SLC24A2: variants seen among roughly 807,000 people sequenced by gnomAD.
The protein encoded by SLC24A2 is sodium/potassium/calcium exchanger 2.
SLC24A2 carries 36 observed loss-of-function variants against 62.0 expected under a neutral mutation model. The ratio of observed to expected loss-of-function variants is 0.58; its 90% CI spans 0.44 to 0.77. The LOEUF (loss-of-function observed/expected upper bound fraction) is 0.77. Among genes scored for constraint, SLC24A2 ranks in the 30% least tolerant of loss-of-function variants. The pLI is 0.00. For synonymous variants in SLC24A2, 358 were observed against 294.0 expected, an observed-to-expected ratio of 1.22 and a Z score of -2.23; for missense variants, 846 against 817.9, an observed-to-expected ratio of 1.03 and a Z score of -0.42.
At chr9:19,901,228 T>C in the SLC24A2 span, among the ~76,000 whole-genome samples, 2 of 152,172 alleles carry the variant, frequency 1.3e-5, no homozygotes, top group Non-Finnish European at 2.9e-5. Flanking sequence ...ATAATAGAGA[T>C]GTTTACAAGA....
At chr9:19,543,680 G>A (rs530152911) in intron 8 of SLC24A2, among the ~76,000 whole-genome samples, 43 of 151,976 alleles carry the variant, frequency 2.8e-4, no homozygotes, top group Non-Finnish European at 5.0e-4. Context: ...CCTTCATTTC[G>A]TTTTTTACCC....
the SLC24A2 span, among the ~76,000 whole-genome samples, chr9:19,873,103 T>C: frequency 2.6e-5 from 4 of 152,186 alleles, no homozygotes; most frequent in African/African-American, 7.2e-5. Context: ...GAAGAAGCAG[T>C]ATGGCTTTAG....
At chr9:20,207,211 C>T in the SLC24A2 span, among the ~76,000 whole-genome samples, 2 of 152,174 alleles carry the variant, frequency 1.3e-5, no homozygotes, top group Non-Finnish European at 2.9e-5. Flanking sequence ...CATTCTGAAA[C>T]AGCCAAGAAA....
chr9:19,917,528 C>T, the SLC24A2 span, among the ~76,000 whole-genome samples: 1 of 151,782 alleles, frequency 6.6e-6, no homozygotes, highest in Non-Finnish European at 1.5e-5. Context: ...TCATCAATCT[C>T]TCTATTTTTA....
At chr9:20,148,803 T>C in the SLC24A2 span, among the ~76,000 whole-genome samples, 6 of 152,068 alleles carry the variant, frequency 3.9e-5, no homozygotes, top group Non-Finnish European at 8.8e-5. Flanking sequence ...ATTTTGACAG[T>C]GGATGGAGCA....
At chr9:20,209,606 C>G in the SLC24A2 span, among the ~76,000 whole-genome samples, 2 of 152,194 alleles carry the variant, frequency 1.3e-5, no homozygotes, top group Non-Finnish European at 2.9e-5. Context: ...CCCATTCAGA[C>G]CTGAGAGCTT....
chr9:20,015,822 T>G, the SLC24A2 span, among the ~76,000 whole-genome samples: 1 of 152,230 alleles, frequency 6.6e-6, no homozygotes, highest in African/African-American at 2.4e-5. Flanking sequence ...GCTTCTTGAT[T>G]CTTCCTGTTC....
rs769069340 is a variant in SLC24A2 at position 19,786,098 on chromosome 9, G to C, written c.769C>G (p.Leu257Val). The C allele has an allele frequency of 3.7e-6, 6 of 1,614,094 alleles. No homozygotes were observed. The highest frequency in any genetic ancestry group is 1.1e-5 in the South Asian group (1 of 91,082). The stretch of plus-strand genomic sequence containing the variant: ...TCCCACCACATGATGACATTATCCA[G>C]GAAAAATATGATCAGCATGATCAAG... ...VDLIMLIIFF[L>V]DNVIMWWESL... The change falls in exon 2 of 11, where the codon CTG becomes GTG. Residue 257 changes from leucine (L) to valine (V), a missense_variant. By Grantham distance (32) the Leu-to-Val change is conservative (BLOSUM62 1). Coordinates refer to ENST00000341998, the MANE Select transcript of SLC24A2 (RefSeq NM_020344.4). The surrounding 1 kb of genome is among the most constrained non-coding windows in gnomAD (Gnocchi z 5.0).
At chr9:19,673,348 A>G (rs1819470639) in intron 2 of SLC24A2, among the ~76,000 whole-genome samples, 1 of 146,436 alleles carries the variant, frequency 6.8e-6, no homozygotes, top group South Asian at 2.2e-4. Flanking sequence ...CTTATGTAAG[A>G]ATAGCTACTC....
chr9:19,919,837 G>A, the SLC24A2 span, among the ~76,000 whole-genome samples: 1 of 152,238 alleles, frequency 6.6e-6, no homozygotes, highest in South Asian at 2.1e-4. Context: ...AGAACAGCAT[G>A]CAGGTAACCG....
Position 19,507,764 on chromosome 9 carries a change from T to C in SLC24A2, c.*8389A>G, listed in dbSNP as rs1832554453. On this transcript the variant is annotated 3_prime_UTR_variant, in exon 11 of 11. Transcript: ENST00000341998. ...CATAATAAACACAACACATACAAAA[T>C]GACAGAAGTAATTTGGAAGTGCATC... The C allele has an allele frequency of 1.3e-5, 2 of 152,242 alleles. No individual in the cohort carries two copies. The highest frequency in any genetic ancestry group is 4.8e-5 in the African/African-American group (2 of 41,548). 9.4% of individuals were successfully genotyped at this position (152,242 alleles called of 1,614,324 possible).
At chr9:20,103,452 C>G in the SLC24A2 span, among the ~76,000 whole-genome samples, 2 of 152,216 alleles carry the variant, frequency 1.3e-5, no homozygotes, top group Non-Finnish European at 2.9e-5. Flanking sequence ...CACCCCCCAG[C>G]AGGGGCAGAC....
chr9:20,171,251 T>A, the SLC24A2 span, among the ~76,000 whole-genome samples: 22,522 of 151,346 alleles, frequency 0.15, 2,135 homozygotes, highest in Middle Eastern at 0.36. Context: ...TGGAAACACA[T>A]CAAAACAGAA....
At chr9:20,133,930 T>C in the SLC24A2 span, among the ~76,000 whole-genome samples, 1 of 152,186 alleles carries the variant, frequency 6.6e-6, no homozygotes, top group Admixed American at 6.6e-5. Flanking sequence ...TCTATTTGAA[T>C]CTTTCCTGTT....
chr9:19,637,934 G>A (rs991075937), intron 2 of SLC24A2, among the ~76,000 whole-genome samples: 2 of 152,200 alleles, frequency 1.3e-5, no homozygotes, highest in South Asian at 2.1e-4. Flanking sequence ...TTTGCTTGCT[G>A]TGCTTTATTT....
At chr9:20,160,978 T>G in the SLC24A2 span, among the ~76,000 whole-genome samples, 22 of 150,926 alleles carry the variant, frequency 1.5e-4, no homozygotes, top group African/African-American at 5.3e-4. Context: ...GTCAATAAAA[T>G]GAAAAAACTA....
the SLC24A2 span, among the ~76,000 whole-genome samples, chr9:20,093,509 C>G: frequency 0.25 from 38,644 of 151,990 alleles, 5,910 homozygotes; most frequent in East Asian, 0.67. Flanking sequence ...TCTTTTAATA[C>G]AGAAATACAT....
chr9:20,160,063 T>A, the SLC24A2 span, among the ~76,000 whole-genome samples: 1 of 151,296 alleles, frequency 6.6e-6, no homozygotes, highest in South Asian at 2.1e-4. Flanking sequence ...CCTAAAACAG[T>A]AATTCATAAA....
chr9:20,014,228 A>T, the SLC24A2 span, among the ~76,000 whole-genome samples: 2 of 152,098 alleles, frequency 1.3e-5, no homozygotes, highest in Non-Finnish European at 2.9e-5. Flanking sequence ...AAAAAGAAAG[A>T]TAACAAGTGT....
Sources: allele counts gnomAD v4.1 joint callset (sites outside exome capture counted in the v4.1 genomes callset), GRCh38; gene constraint gnomAD v4.1.1; non-coding constraint Gnocchi (gnomAD v3.1); transcripts MANE v1.5; gene names NCBI Gene and HGNC (gene_info 2026-07-23, HGNC 2026-07-21).